Variants in DCDC2 observed in about 807,000 individuals in gnomAD.
DCDC2 encodes the protein doublecortin domain containing 2, also known as doublecortin domain-containing protein 2.
DCDC2 carries 40 observed loss-of-function variants against 50.2 expected under a neutral mutation model. The observed-to-expected ratio is 0.80, with a 90% CI of 0.62 to 1.04. The LOEUF is 1.04. Ranked by LOEUF, DCDC2 falls within the 50% of genes least tolerant of loss-of-function variation. The pLI is 0.00. For missense variants in DCDC2, 570 were observed against 581.9 expected, an observed-to-expected ratio of 0.98 and a Z score of 0.21; for synonymous variants, 234 against 210.6, an observed-to-expected ratio of 1.11 and a Z score of -0.96.
rs968454882 is a variant in DCDC2, at chr6:24,172,521, G to GA, written c.*2208dup. 4 of 151,960 alleles carry GA rather than the reference G, an allele frequency of 2.6e-5. No individual in the cohort carries two copies. The highest frequency in any genetic ancestry group is 5.9e-5 in the Non-Finnish European group (4 of 67,936). The allele number at this position is 151,960 out of a possible 1,614,324, so 9.4% of individuals were successfully genotyped here. A position where few individuals can be genotyped will look rare whatever the true frequency, so the allele number is the denominator to read the frequency against. ...CATAATATAATGAATAAAAGGACAG[G>GA]AAAAAAAGAAATATTTTTATTAGAG... On this transcript the variant is annotated 3_prime_UTR_variant, in exon 10 of 10. Coordinates refer to ENST00000378454, the MANE Select transcript of DCDC2 (RefSeq NM_016356.5).
intron 7 of DCDC2, among the ~76,000 whole-genome samples, chr6:24,220,895 C>CGAGCGAGCGAGAGAGTGAGCGAGA (rs1762097947): frequency 1.7e-5 from 2 of 117,258 alleles, no homozygotes; most frequent in Non-Finnish European, 4.0e-5. Context: ...AGAGAGTGAG[C>CGAGCGAGCGAGAGAGTGAGCGAGA]GAGCGAGCGA....
intron 2 of DCDC2, among the ~76,000 whole-genome samples, chr6:24,309,089 G>A (rs1000256067): frequency 3.1e-4 from 47 of 152,264 alleles, no homozygotes; most frequent in African/African-American, 8.9e-4. Context: ...CACTTGGGGA[G>A]GCCAAGGTGG....
intron 7 of DCDC2, among the ~76,000 whole-genome samples, chr6:24,233,726 T>C (rs1358177688): frequency 6.6e-6 from 1 of 152,210 alleles, no homozygotes; most frequent in Non-Finnish European, 1.5e-5. Context: ...AATGATGAAA[T>C]AATTTATATA....
chr6:24,255,308 C>G (rs1762878809), intron 7 of DCDC2, among the ~76,000 whole-genome samples: 1 of 151,088 alleles, frequency 6.6e-6, no homozygotes, highest in Non-Finnish European at 1.5e-5. Flanking sequence ...AAAACCAATT[C>G]CAGACAGATT....
chr6:24,269,460 G>A lies in DCDC2; in HGVS notation c.922+8589C>T, dbSNP rs562616576. On this transcript the variant is annotated intron_variant, in intron 7 of 9. Coordinates refer to ENST00000378454, the MANE Select transcript of DCDC2 (RefSeq NM_016356.5). The stretch of plus-strand genomic sequence containing the variant: ...TAACCAAGGAAAATTTATTGATAAA[G>A]ATATAATTATGACTATTGGAAGAAA... Among the ~76,000 whole-genome samples, 5 of 152,286 alleles carry A rather than the reference G, an allele frequency of 3.3e-5. No homozygotes were observed. The South Asian group carries it at 1.0e-3, about 32-fold the overall frequency.
At chr6:24,256,371 T>G (rs1335225261) in intron 7 of DCDC2, among the ~76,000 whole-genome samples, 1 of 152,010 alleles carries the variant, frequency 6.6e-6, no homozygotes, top group Non-Finnish European at 1.5e-5. Flanking sequence ...CTCTTTTGTA[T>G]GTACATTATA....
In DCDC2 at chr6:24,173,001, T is replaced by A. The variant is rs1760818086; in HGVS notation, c.*1729A>T. The A allele has an allele frequency of 6.7e-6, 1 of 149,604 alleles. No homozygotes were observed. Among genetic ancestry groups the A allele is most frequent in the East Asian group, 2.0e-4 (1 of 5,116 alleles). 9.3% of individuals were successfully genotyped at this position (149,604 alleles called of 1,614,324 possible). On this transcript the variant is annotated 3_prime_UTR_variant, in exon 10 of 10. Coordinates refer to ENST00000378454, the MANE Select transcript of DCDC2 (RefSeq NM_016356.5). ...ACTTCATCTCAAAAAATAATAATAATAATAATAATAATAATAATAAAGATC... is the reference window on the plus strand; with the variant it reads ...ACTTCATCTCAAAAAATAATAATAAAAATAATAATAATAATAATAAAGATC...
intron 8 of DCDC2, among the ~76,000 whole-genome samples, chr6:24,185,752 C>CA (rs1319503496): frequency 5.4e-5 from 8 of 149,230 alleles, no homozygotes; most frequent in Non-Finnish European, 4.5e-5. Context: ...AAATCTATAC[C>CA]ATGGTGACAG....
At chr6:24,274,274 T>C (rs530898746) in intron 7 of DCDC2, among the ~76,000 whole-genome samples, 71 of 152,310 alleles carry the variant, frequency 4.7e-4, no homozygotes, top group South Asian at 1.9e-3. Flanking sequence ...ACAATACCAA[T>C]TGATATGATC....
intron 8 of DCDC2, among the ~76,000 whole-genome samples, chr6:24,203,555 C>T (rs372509464): frequency 6.6e-6 from 1 of 152,096 alleles, no homozygotes; most frequent in East Asian, 1.9e-4. Flanking sequence ...CTAGGCAATA[C>T]CATTCAGGAC....
intron 1 of DCDC2, among the ~76,000 whole-genome samples, chr6:24,355,865 T>A (rs779025666): frequency 6.6e-6 from 1 of 152,204 alleles, no homozygotes; most frequent in Non-Finnish European, 1.5e-5. Context: ...TTTAGTGATA[T>A]TTTGAAAAAT....
At chr6:24,225,103 C>G (rs1650146400) in intron 7 of DCDC2, among the ~76,000 whole-genome samples, 1 of 152,154 alleles carries the variant, frequency 6.6e-6, no homozygotes, top group Non-Finnish European at 1.5e-5. Flanking sequence ...CCCAAGTCCC[C>G]TCCTCCAATT....
At chr6:24,342,916 T>C (rs979596736) in intron 2 of DCDC2, among the ~76,000 whole-genome samples, 1 of 152,226 alleles carries the variant, frequency 6.6e-6, no homozygotes, top group Non-Finnish European at 1.5e-5. Flanking sequence ...TTTACTCTTT[T>C]CATGTATCTT....
At chr6:24,175,477 G>C (rs1358335652) in intron 9 of DCDC2, among the ~76,000 whole-genome samples, 2 of 152,108 alleles carry the variant, frequency 1.3e-5, no homozygotes, top group Non-Finnish European at 2.9e-5. Context: ...AATCCTAGAG[G>C]CTCCACAGCC....
intron 2 of DCDC2, among the ~76,000 whole-genome samples, chr6:24,308,249 G>GAGAC (rs1465201884): frequency 1.3e-5 from 2 of 152,228 alleles, no homozygotes; most frequent in African/African-American, 2.4e-5. Context: ...ACTAATTGTA[G>GAGAC]AGACAGATTT....
intron 7 of DCDC2, among the ~76,000 whole-genome samples, chr6:24,248,128 T>G (rs758932799): frequency 2.0e-5 from 3 of 152,216 alleles, no homozygotes; most frequent in Non-Finnish European, 4.4e-5. Flanking sequence ...GTTCTTTAAC[T>G]GCTCTTCAGC....
chr6:24,354,915 C>T (rs1760437659), intron 1 of DCDC2, among the ~76,000 whole-genome samples: 1 of 152,120 alleles, frequency 6.6e-6, no homozygotes, highest in African/African-American at 2.4e-5. Flanking sequence ...TTGATCAGTT[C>T]CATTTGAAAA....
At chr6:24,225,838 G>T (rs1762222824) in intron 7 of DCDC2, among the ~76,000 whole-genome samples, 1 of 152,042 alleles carries the variant, frequency 6.6e-6, no homozygotes, top group African/African-American at 2.4e-5. Flanking sequence ...CATAGCAACT[G>T]ATTTATTTTA....
At chr6:24,216,549 A>G (rs903097855) in intron 7 of DCDC2, among the ~76,000 whole-genome samples, 3 of 152,220 alleles carry the variant, frequency 2.0e-5, no homozygotes, top group Admixed American at 6.5e-5. Context: ...CTCTTTCAAG[A>G]TGATTGGCTG....
Sources: gnomAD v4.1 joint callset for allele counts (sites outside exome capture counted in the v4.1 genomes callset) on GRCh38, gnomAD v4.1.1 for gene constraint, MANE v1.5 for transcripts, NCBI Gene and HGNC (gene_info 2026-07-23, HGNC 2026-07-21) for gene names.